SLC27A1: variants seen among roughly 807,000 people sequenced by gnomAD.
SLC27A1 encodes solute carrier family 27 member 1.
SLC27A1 carries 61 observed loss-of-function variants against 62.2 expected under a neutral mutation model. That is an observed-to-expected ratio of 0.98 (90% CI 0.80 to 1.21). The LOEUF is 1.21. Among genes scored for constraint, SLC27A1 ranks in the 50% most tolerant of loss-of-function variants. The pLI, the probability that SLC27A1 is intolerant of heterozygous loss-of-function variation, is 0.00. For synonymous variants in SLC27A1, 435 were observed against 408.6 expected (o/e 1.06, Z -0.78); for missense variants, 903 against 932.1 (o/e 0.97, Z 0.41).
At chr19:17,494,797 C>CAA (rs71162145) in intron 6 of SLC27A1, among the ~76,000 whole-genome samples, 1 of 147,906 alleles carries the variant, frequency 6.8e-6, no homozygotes. Flanking sequence ...TTTTTGTTTC[C>CAA]AAAAAAAAAA....
In SLC27A1 at chr19:17,487,452, T is replaced by G; in HGVS notation, c.725-8T>G. On this transcript the variant is annotated splice_region_variant and splice_polypyrimidine_tract_variant and intron_variant, in intron 3 of 11. Transcript: ENST00000252595. The stretch of plus-strand genomic sequence containing the variant: ...AGGCCCCACCCCTAACACCTGTATC[T>G]CCTGCAGATCGTCTTTTCTACATCT... 1 of 1,565,474 alleles carries G rather than the reference T, an allele frequency of 6.4e-7. No homozygotes were observed.
Position 17,489,072 on chromosome 19 carries a change from C to A in SLC27A1, c.951C>A (p.Phe317Leu), listed in dbSNP as rs200764527. 57 of 1,614,062 alleles carry A rather than the reference C, an allele frequency of 3.5e-5. No individual in the cohort carries two copies. The East Asian group carries it at 1.2e-3, about 35-fold the overall frequency. ...YGLTVVLRKK[F>L]SASRFWDDCI... Reference sequence around the variant, plus strand: ...TGACAGTCGTCCTCCGCAAGAAATTCTCGGCCAGCCGCTTCTGGGACGACT... The same window carrying A: ...TGACAGTCGTCCTCCGCAAGAAATTATCGGCCAGCCGCTTCTGGGACGACT... Residue 317 changes from phenylalanine to leucine, a missense_variant, in exon 6 of 12, where the codon TTC becomes TTA. Physicochemically the swap from Phe to Leu is conservative, Grantham distance 22. Coordinates refer to ENST00000252595, the MANE Select transcript of SLC27A1 (RefSeq NM_198580.3).
chr19:17,502,105 G>A (rs564998187), intron 11 of SLC27A1, among the ~76,000 whole-genome samples: 8 of 151,966 alleles, frequency 5.3e-5, no homozygotes, highest in Middle Eastern at 3.4e-3. Context: ...GACAGAGTGA[G>A]ACAATGTCTC....
chr19:17,493,965 A>G (rs899203457), intron 6 of SLC27A1, among the ~76,000 whole-genome samples: 2 of 151,814 alleles, frequency 1.3e-5, no homozygotes, highest in Non-Finnish European at 2.9e-5. Flanking sequence ...CGTGCTAACA[A>G]AAAAGGGATG....
chr19:17,488,768 T>C (rs1482245243), intron 4 of SLC27A1, 80 bp from the exon 5 acceptor site: 5 of 1,316,064 alleles, frequency 3.8e-6, no homozygotes, highest in Non-Finnish European at 2.1e-6. Flanking sequence ...TGGGTCCACA[T>C]GCAGCATGCT....
rs566687727 is a variant in SLC27A1, at chr19:17,488,821, C to T, written c.795-27C>T. On this transcript the variant is annotated intron_variant, in intron 4 of 11. Coordinates refer to ENST00000252595, the MANE Select transcript of SLC27A1 (RefSeq NM_198580.3). ...TGGGGGATTTAGGTCCCAGCCTCTG[C>T]CCTCCCGGCTCCCCCTCCCCCTGCA... The T allele has an allele frequency of 4.4e-6, 7 of 1,604,082 alleles. No homozygotes were observed. The Admixed American group carries it at 1.2e-4, about 27-fold the overall frequency.
chr19:17,484,037 C>G (rs1050343871), intron 1 of SLC27A1: 3 of 152,422 alleles, frequency 2.0e-5, no homozygotes, highest in African/African-American at 7.2e-5. Context: ...TCCCAGAGGA[C>G]TGTGAACCCC....
In SLC27A1 at chr19:17,488,998, C is replaced by A; in HGVS notation, c.887-10C>A. ...GGCGGGGGACCCCTTACCAAGGCCA[C>A]CCTCTGCAGGAAACATCATCGGCGT... is the stretch of plus-strand genomic sequence containing the variant. On this transcript the variant is annotated splice_polypyrimidine_tract_variant and intron_variant, in intron 5 of 11. Transcript: ENST00000252595. 1 of 1,614,078 alleles carries A rather than the reference C, an allele frequency of 6.2e-7. No individual in the cohort carries two copies. The highest frequency in any genetic ancestry group is 8.5e-7 in the Non-Finnish European group (1 of 1,179,958).
intron 1 of SLC27A1, among the ~76,000 whole-genome samples, chr19:17,470,993 C>T (rs2075071106): frequency 8.4e-6 from 1 of 118,608 alleles, no homozygotes; most frequent in Non-Finnish European, 1.7e-5. Flanking sequence ...GAGATGATCT[C>T]AGGGGATTTG....
At chr19:17,487,140 G>A (rs1450943385) in intron 2 of SLC27A1, 34 bp from the exon 3 acceptor site, 6 of 1,613,302 alleles carry the variant, frequency 3.7e-6, no homozygotes, top group Non-Finnish European at 5.1e-6. Context: ...GGCCTGTCCG[G>A]CGGTGACCAT....
intron 1 of SLC27A1, among the ~76,000 whole-genome samples, chr19:17,472,035 C>T (rs1421847169): frequency 1.3e-5 from 2 of 152,194 alleles, no homozygotes; most frequent in Non-Finnish European, 2.9e-5. Context: ...CAGGCTCTCC[C>T]TCTGGGAACC....
chr19:17,495,863 TAGTC>T (rs1568421322), intron 6 of SLC27A1: 1 of 152,428 alleles, frequency 6.6e-6, no homozygotes, highest in Non-Finnish European at 1.5e-5. Flanking sequence ...ATCAGCTATT[TAGTC>T]AGTACCTTCT....
At chr19:17,475,750 T>C (rs1054450632) in intron 1 of SLC27A1, among the ~76,000 whole-genome samples, 3 of 152,206 alleles carry the variant, frequency 2.0e-5, no homozygotes, top group Non-Finnish European at 4.4e-5. Flanking sequence ...TCTCCTAACA[T>C]GCCCTGTACT....
chr19:17,491,651 C>T (rs934525546), intron 6 of SLC27A1, among the ~76,000 whole-genome samples: 21 of 152,064 alleles, frequency 1.4e-4, no homozygotes, highest in African/African-American at 2.4e-5. Flanking sequence ...GCGGGAGGAT[C>T]GCTTGAGCCC....
At chr19:17,485,886 C>G (rs776319030) in intron 1 of SLC27A1, among the ~76,000 whole-genome samples, 5 of 152,156 alleles carry the variant, frequency 3.3e-5, no homozygotes, top group African/African-American at 7.2e-5. Context: ...GGCCCGCCTG[C>G]CTCCACACAA....
At chr19:17,497,712 A>G in intron 7 of SLC27A1, 1 of 532,556 alleles carries the variant, frequency 1.9e-6, no homozygotes, top group Non-Finnish European at 3.3e-6. Context: ...GAGGATAGGT[A>G]TGGCTGTGCG....
chr19:17,477,534 G>A (rs370306476), intron 1 of SLC27A1, among the ~76,000 whole-genome samples: 3 of 149,740 alleles, frequency 2.0e-5, no homozygotes, highest in African/African-American at 4.9e-5. Flanking sequence ...ATGACCCACC[G>A]TGCCTGGCCT....
rs569493464 is a variant in SLC27A1 at position 17,500,571 on chromosome 19, C to T, written c.1410C>T (p.Ser470=). The T allele has an allele frequency of 1.7e-5, 27 of 1,613,528 alleles. No individual in the cohort carries two copies. The highest frequency in any genetic ancestry group is 1.0e-4 in the Admixed American group (6 of 59,966). ...LRRFDGYVSE[S]ATSKKIAHSV... is the part of the protein sequence containing the mutation. ...GCTTCGATGGCTATGTCAGCGAGAGCGCCACCAGCAAGAAGATCGCCCACA... is the reference window on the plus strand; with the variant it reads ...GCTTCGATGGCTATGTCAGCGAGAGTGCCACCAGCAAGAAGATCGCCCACA... Residue 470 remains serine (S), a synonymous_variant, in exon 9 of 12, where the codon AGC becomes AGT. Transcript: ENST00000252595.
At chr19:17,470,394 C>G (rs2075061647), upstream of SLC27A1, 1 of 990,634 alleles carries the variant, frequency 1.0e-6, no homozygotes, top group African/African-American at 1.8e-5. Context: ...GAGTCTGACT[C>G]GGAGCGCGTT....
Sources: allele counts gnomAD v4.1 joint callset (sites outside exome capture counted in the v4.1 genomes callset), GRCh38; gene constraint gnomAD v4.1.1; transcripts MANE v1.5; gene names NCBI Gene and HGNC (gene_info 2026-07-23, HGNC 2026-07-21).